Variants in SPEF2 observed in about 807,000 individuals in gnomAD.
SPEF2 encodes the protein sperm flagellar and cilia associated 2.
SPEF2 carries 187 observed loss-of-function variants against 224.6 expected under a neutral mutation model. That is an observed-to-expected ratio of 0.83 (90% CI 0.74 to 0.94). SPEF2 has a LOEUF of 0.94. SPEF2 is among the 40% of genes least tolerant of loss of function. The pLI, the probability that SPEF2 is intolerant of heterozygous loss-of-function variation, is 0.00. For missense variants in SPEF2, 2,170 were observed against 2,135.6 expected (o/e 1.02, Z -0.32); for synonymous variants, 715 against 707.3 (o/e 1.01, Z -0.17).
intron 3 of SPEF2, 26 bp from the exon 4 acceptor site, chr5:35,644,329 T>G: frequency 3.4e-6 from 5 of 1,478,680 alleles, no homozygotes; most frequent in Non-Finnish European, 4.5e-6. Flanking sequence ...TCTAATAAAA[T>G]CTTTTGAAAT....
intron 24 of SPEF2, 63 bp downstream of exon 24, chr5:35,753,824 C>T (rs1750047725): frequency 1.3e-6 from 2 of 1,593,442 alleles, no homozygotes; most frequent in South Asian, 1.1e-5. Context: ...CTCAGTCCTT[C>T]ATATGACACT....
At position 35,691,223 on chromosome 5, in the gene SPEF2, G is replaced by A; in HGVS notation, c.1711G>A (p.Gly571Arg). 6.2e-7 allele frequency: 1 copy of A among 1,613,888 alleles called. No individual in the cohort carries two copies. The highest frequency in any genetic ancestry group is 8.5e-7 in the Non-Finnish European group (1 of 1,179,908). The change falls in exon 11 of 37, where the codon GGA becomes AGA. Residue 571 changes from glycine to arginine, a missense_variant. Transcript: ENST00000356031. ...KGCLLGKTLS[G>R]KTTILRSLQK... is the part of the protein sequence containing the mutation. Reference sequence around the variant, plus strand: ...ATGCTTATTGGGGAAAACATTAAGTGGAAAAACTACCATTTTAAGGTCTCT... The same window carrying A: ...ATGCTTATTGGGGAAAACATTAAGTAGAAAAACTACCATTTTAAGGTCTCT...
At chr5:35,802,943 A>T (rs932187042) in intron 34 of SPEF2, among the ~76,000 whole-genome samples, 1 of 152,182 alleles carries the variant, frequency 6.6e-6, no homozygotes, top group Non-Finnish European at 1.5e-5. Context: ...ACGGCAAAGG[A>T]GGGAAGTAAG....
At chr5:35,797,213 C>T (rs1426287047) in intron 33 of SPEF2, among the ~76,000 whole-genome samples, 1 of 152,068 alleles carries the variant, frequency 6.6e-6, no homozygotes, top group Non-Finnish European at 1.5e-5. Context: ...TGGCTCCCAC[C>T]TGCTGCTGGA....
intron 4 of SPEF2, 72 bp from the exon 5 acceptor site, chr5:35,646,595 G>A (rs1160973037): frequency 5.0e-6 from 7 of 1,411,792 alleles, no homozygotes; most frequent in African/African-American, 1.4e-5. Flanking sequence ...TTATATATTT[G>A]TACCTATGAG....
At chr5:35,719,670 G>T (rs1441806788) in intron 20 of SPEF2, among the ~76,000 whole-genome samples, 1 of 151,804 alleles carries the variant, frequency 6.6e-6, no homozygotes, top group South Asian at 2.1e-4. Context: ...CACCTAGGTT[G>T]GGGTGCAGTA....
chr5:35,685,298 A>G (rs1193274128), intron 10 of SPEF2, among the ~76,000 whole-genome samples: 1 of 152,140 alleles, frequency 6.6e-6, no homozygotes, highest in Non-Finnish European at 1.5e-5. Context: ...TGTTTCAAAA[A>G]GTATTTTCTT....
rs758436058 is a variant in SPEF2 at position 35,751,042 on chromosome 5, T to TATATACGTATATATATAC, written c.3331-2582_3331-2581insATATACGTATATATATAC. Reference sequence around the variant, plus strand: ...ATATATACGTATATATATACACATATGTATATATATATACGTATATATATG... The same window carrying TATATACGTATATATATAC: ...ATATATACGTATATATATACACATATATATACGTATATATATACGTATATATATATACGTATATATATG... On this transcript the variant is annotated intron_variant, in intron 23 of 36. Transcript: ENST00000356031. Among the ~76,000 whole-genome samples, 39 of 31,360 alleles carry TATATACGTATATATATAC rather than the reference T, an allele frequency of 1.2e-3. 1 individual carries two copies. The highest frequency in any genetic ancestry group is 2.7e-3 in the African/African-American group (31 of 11,574). The allele number at this position is 31,360 out of a possible 152,430, so 20.6% of individuals were successfully genotyped here. A position where few individuals can be genotyped will look rare whatever the true frequency, so the allele number is the denominator to read the frequency against.
intron 20 of SPEF2, among the ~76,000 whole-genome samples, chr5:35,724,340 T>C (rs1744261442): frequency 6.6e-6 from 1 of 152,184 alleles, no homozygotes; most frequent in African/African-American, 2.4e-5. Flanking sequence ...TGCTCTTAAG[T>C]ACGAGTCTCT....
At chr5:35,645,834 A>G (rs1400533838) in intron 4 of SPEF2, among the ~76,000 whole-genome samples, 1 of 152,164 alleles carries the variant, frequency 6.6e-6, no homozygotes, top group Non-Finnish European at 1.5e-5. Flanking sequence ...AAAAAGATAA[A>G]CATATTGCAA....
intron 2 of SPEF2, among the ~76,000 whole-genome samples, chr5:35,640,000 C>T (rs1416108714): frequency 1.3e-5 from 2 of 152,072 alleles, no homozygotes; most frequent in African/African-American, 4.8e-5. Context: ...TAGAAATAAG[C>T]TTCCAAAGAG....
intron 23 of SPEF2, among the ~76,000 whole-genome samples, chr5:35,741,857 A>G (rs1012589117): frequency 6.6e-6 from 1 of 152,230 alleles, no homozygotes; most frequent in African/African-American, 2.4e-5. Context: ...TCATAAAGCC[A>G]GCCTTCCTGT....
intron 16 of SPEF2, among the ~76,000 whole-genome samples, chr5:35,701,778 A>C (rs1738692789): frequency 6.6e-6 from 1 of 152,186 alleles, no homozygotes; most frequent in Admixed American, 6.6e-5. Context: ...CAGGAGTTTG[A>C]GATCAGCCTA....
chr5:35,810,636 T>A (rs1758479763), intron 36 of SPEF2, among the ~76,000 whole-genome samples: 2 of 152,188 alleles, frequency 1.3e-5, no homozygotes, highest in South Asian at 4.1e-4. Context: ...TTTCAGGCCC[T>A]ACCCCCTGTA....
At position 35,807,266 on chromosome 5, in the gene SPEF2, C is replaced by A. The variant is rs1293722817; in HGVS notation, c.5379+13C>A. The A allele has an allele frequency of 6.2e-7, 1 of 1,604,876 alleles. No individual in the cohort carries two copies. The highest frequency in any genetic ancestry group is 1.7e-5 in the Admixed American group (1 of 57,494). On this transcript the variant is annotated intron_variant, in intron 36 of 36. Coordinates refer to ENST00000356031, the MANE Select transcript of SPEF2 (RefSeq NM_024867.4). ...CTATAAGTTTCCTGTGAGTATTACC[C>A]CAAAGTGCTCTAATTTGGTTGGGCT... is the stretch of plus-strand genomic sequence containing the variant.
chr5:35,813,969 A>G (rs1227051652), intron 36 of SPEF2, among the ~76,000 whole-genome samples: 2 of 152,250 alleles, frequency 1.3e-5, no homozygotes, highest in African/African-American at 4.8e-5. Context: ...CTGTATAGCA[A>G]ATGTAAAACA....
At chr5:35,629,539 T>C (rs1180468275) in intron 2 of SPEF2, among the ~76,000 whole-genome samples, 1 of 152,198 alleles carries the variant, frequency 6.6e-6, no homozygotes, top group Non-Finnish European at 1.5e-5. Flanking sequence ...GTTTTAAAAA[T>C]ATAAAATAGA....
chr5:35,733,860 CT>C (rs1229528472), intron 21 of SPEF2, among the ~76,000 whole-genome samples: 12 of 152,036 alleles, frequency 7.9e-5, no homozygotes, highest in African/African-American at 2.2e-4. Context: ...GCTACATGAC[CT>C]TGTACAAGCT....
chr5:35,731,063 A>G (rs947585492), intron 21 of SPEF2, among the ~76,000 whole-genome samples: 1 of 152,198 alleles, frequency 6.6e-6, no homozygotes. Flanking sequence ...GGGTATGTGT[A>G]TATGTCTCTG....
Sources: gnomAD v4.1 joint callset for allele counts (sites outside exome capture counted in the v4.1 genomes callset) on GRCh38, gnomAD v4.1.1 for gene constraint, MANE v1.5 for transcripts, NCBI Gene and HGNC (gene_info 2026-07-23, HGNC 2026-07-21) for gene names.